The following EYS variants were observed in gnomAD, a reference collection of about 807,000 sequenced individuals.
EYS encodes EGF-like photoreceptor maintenance factor.
Under a neutral mutation model 282.1 loss-of-function variants are expected in EYS, and 250 were observed. The observed-to-expected ratio is 0.89, with a 90% CI of 0.80 to 0.98. The LOEUF (loss-of-function observed/expected upper bound fraction) is 0.98. EYS is among the 50% of genes least tolerant of loss of function. The pLI, the probability that EYS is intolerant of heterozygous loss-of-function variation, is 0.00. For missense variants in EYS, 4,016 were observed against 3,709.0 expected (o/e 1.08, Z -2.15); for synonymous variants, 1,355 against 1,282.9 (o/e 1.06, Z -1.20).
At chr6:65,376,662 A>G (rs1262714324) in intron 8 of EYS, among the ~76,000 whole-genome samples, 1 of 152,202 alleles carries the variant, frequency 6.6e-6, no homozygotes, top group Non-Finnish European at 1.5e-5. Flanking sequence ...TAGGCTCAAA[A>G]TAAAGGGATG....
Position 64,902,459 on chromosome 6 carries a change from G to A in EYS, c.2683C>T (p.Leu895Phe). Residue 895 changes from leucine to phenylalanine, a missense_variant, in exon 17 of 43, where the codon CTC becomes TTC. Physicochemically the swap from Leu to Phe is conservative, Grantham distance 22 (BLOSUM62 0). Transcript: ENST00000503581. ...KNCEIDVKDCLFLSCQDYGDC... is the reference protein window; with the variant it reads ...KNCEIDVKDCFFLSCQDYGDC... ...CCATAATCCTGGCAGGAAAGGAAGAGGCAGTCTTTCACATCAATTTCACAG... is the reference window on the plus strand; with the variant it reads ...CCATAATCCTGGCAGGAAAGGAAGAAGCAGTCTTTCACATCAATTTCACAG... 6.5e-7 allele frequency: 1 copy of A among 1,535,664 alleles called. No homozygotes were observed. The highest frequency in any genetic ancestry group is 8.7e-7 in the Non-Finnish European group (1 of 1,142,964).
intron 36 of EYS, among the ~76,000 whole-genome samples, chr6:63,843,622 A>G (rs918927324): frequency 6.6e-6 from 1 of 152,208 alleles, no homozygotes; most frequent in Non-Finnish European, 1.5e-5. Context: ...AGAGCTATTT[A>G]TGACAAAGCC....
At chr6:63,903,253 A>C (rs1773700383) in intron 35 of EYS, among the ~76,000 whole-genome samples, 1 of 152,136 alleles carries the variant, frequency 6.6e-6, no homozygotes. Flanking sequence ...AGGAAGAAAA[A>C]ATATCCTTCA....
chr6:64,477,726 A>G (rs1776317072), intron 26 of EYS, among the ~76,000 whole-genome samples: 1 of 152,162 alleles, frequency 6.6e-6, no homozygotes, highest in Non-Finnish European at 1.5e-5. Context: ...ATAGGGGCCA[A>G]TGAGCCAGCT....
chr6:65,572,397 C>T (rs1484202229), intron 2 of EYS, among the ~76,000 whole-genome samples: 1 of 151,972 alleles, frequency 6.6e-6, no homozygotes, highest in Non-Finnish European at 1.5e-5. Context: ...TAATAATAAA[C>T]AATGTTGTTA....
At chr6:64,356,599 C>T (rs969855027) in intron 29 of EYS, among the ~76,000 whole-genome samples, 2 of 151,634 alleles carry the variant, frequency 1.3e-5, no homozygotes, top group Admixed American at 6.6e-5. Context: ...TTTTCCTGCT[C>T]TTTTAACTGT....
intron 36 of EYS, among the ~76,000 whole-genome samples, chr6:63,836,401 G>GA (rs200459701): frequency 3.3e-4 from 50 of 151,034 alleles, no homozygotes; most frequent in Middle Eastern, 6.8e-3. Flanking sequence ...ATAAGAAAAA[G>GA]AAAAAAAAGA....
rs147918528 is a variant in EYS, at chr6:64,637,993, C to T, written c.3444-11748G>A. Among the ~76,000 whole-genome samples, 285 of 90,262 alleles carry T rather than the reference C, an allele frequency of 3.2e-3. 104 individuals carry two copies. Among genetic ancestry groups the T allele is most frequent in the African/African-American group, 0.011 (258 of 23,708 alleles). The allele number at this position is 90,262 out of a possible 152,430, so 59.2% of individuals were successfully genotyped here. ...CCTTTTAAAAAAAAGAGAATGAATA[C>T]AACTCCACCAGGCACCCTGATGGAC... On this transcript the variant is annotated intron_variant, in intron 22 of 42. Transcript: ENST00000503581.
intron 23 of EYS, among the ~76,000 whole-genome samples, chr6:64,620,321 G>T (rs375773954): frequency 6.6e-6 from 1 of 152,134 alleles, no homozygotes; most frequent in South Asian, 2.1e-4. Flanking sequence ...ATGCACCTAC[G>T]CACTGAAATA....
intron 22 of EYS, among the ~76,000 whole-genome samples, chr6:64,767,733 C>G (rs1773398207): frequency 6.6e-6 from 1 of 152,136 alleles, no homozygotes; most frequent in Admixed American, 6.6e-5. Flanking sequence ...GTGGATAGTG[C>G]TGCAATAAAC....
chr6:64,064,840 A>G (rs1469672406), intron 33 of EYS, among the ~76,000 whole-genome samples: 1 of 152,176 alleles, frequency 6.6e-6, no homozygotes, highest in Admixed American at 6.5e-5. Context: ...ATGCCTTTTA[A>G]ACAGTTTTCT....
intron 24 of EYS, among the ~76,000 whole-genome samples, chr6:64,600,142 C>T (rs1766718508): frequency 6.6e-6 from 1 of 152,080 alleles, no homozygotes; most frequent in Admixed American, 6.6e-5. Flanking sequence ...TTCCTCTTTC[C>T]TGTGTCTTTC....
intron 30 of EYS, among the ~76,000 whole-genome samples, chr6:64,290,656 C>T (rs2150365451): frequency 6.6e-6 from 1 of 151,614 alleles, no homozygotes; most frequent in East Asian, 2.0e-4. Context: ...TGGTGGGGGG[C>T]TTAGAGTCCT....
At chr6:63,773,518 A>G (rs1769987648) in intron 40 of EYS, among the ~76,000 whole-genome samples, 1 of 152,214 alleles carries the variant, frequency 6.6e-6, no homozygotes, top group Non-Finnish European at 1.5e-5. Flanking sequence ...GAAAAAGAAT[A>G]GCAGGAATAG....
chr6:64,434,174 CAG>C (rs776741772), intron 28 of EYS, among the ~76,000 whole-genome samples: 12 of 151,928 alleles, frequency 7.9e-5, no homozygotes, highest in Non-Finnish European at 1.3e-4. Context: ...TATGAAGACA[CAG>C]AGAGAATACA....
chr6:65,054,572 A>C (rs1773360663), intron 13 of EYS, among the ~76,000 whole-genome samples: 1 of 152,038 alleles, frequency 6.6e-6, no homozygotes, highest in Non-Finnish European at 1.5e-5. Flanking sequence ...GATATACCAG[A>C]CATGTTTCCA....
intron 5 of EYS, among the ~76,000 whole-genome samples, chr6:65,414,777 T>C (rs904318436): frequency 6.6e-6 from 1 of 152,114 alleles, no homozygotes; most frequent in Non-Finnish European, 1.5e-5. Flanking sequence ...TAAGTGAAGA[T>C]AAATATTTGA....
chr6:65,064,516 G>T (rs1430970666), intron 12 of EYS, among the ~76,000 whole-genome samples: 1 of 145,214 alleles, frequency 6.9e-6, no homozygotes, highest in Non-Finnish European at 1.5e-5. Flanking sequence ...TATAATATAT[G>T]TACTATATAC....
At chr6:65,427,617 T>C (rs1475261427) in intron 5 of EYS, among the ~76,000 whole-genome samples, 1 of 151,978 alleles carries the variant, frequency 6.6e-6, no homozygotes, top group African/African-American at 2.4e-5. Context: ...CATATTTGAG[T>C]CAACATAAAA....
Sources: gnomAD v4.1 joint callset for allele counts (sites outside exome capture counted in the v4.1 genomes callset) on GRCh38, gnomAD v4.1.1 for gene constraint, MANE v1.5 for transcripts, NCBI Gene and HGNC (gene_info 2026-07-23, HGNC 2026-07-21) for gene names.